MYO15B: variants seen among roughly 807,000 people sequenced by gnomAD.
The protein encoded by MYO15B is myosin XVB.
A neutral mutation model predicts 119.3 loss-of-function variants in MYO15B; 207 were observed. The observed-to-expected ratio is 1.73, with a 90% CI of 1.55 to 1.95. MYO15B has a LOEUF of 1.95. Ranked by LOEUF, MYO15B falls within the 30% of genes most tolerant of loss-of-function variation. The pLI, the probability that MYO15B is intolerant of heterozygous loss-of-function variation, is 0.00. For missense variants in MYO15B, 2,264 were observed against 1,203.1 expected, an observed-to-expected ratio of 1.88 and a Z score of -13.04; for synonymous variants, 966 against 498.9, an observed-to-expected ratio of 1.94 and a Z score of -12.48.
chr17:75,613,996 C>G (rs1258097320), intron 29 of MYO15B: 1 of 598,942 alleles, frequency 1.7e-6, no homozygotes, highest in African/African-American at 1.9e-5. Context: ...AAAAGAAATG[C>G]CCATGCTGGA....
chr17:75,603,087 C>T lies in MYO15B; in HGVS notation c.3891+10C>T, dbSNP rs1187885046. 2.8e-6 allele frequency: 2 copies of T among 703,320 alleles called. No homozygotes were observed. The highest frequency in any genetic ancestry group is 5.2e-6 in the Non-Finnish European group (2 of 385,074). 43.6% of individuals were successfully genotyped at this position (703,320 alleles called of 1,614,324 possible). ...CCCTAACCCTGGAAAGGTGAGCTCC[C>T]CAGCAACTGGCCTCAGGGCCCTCCC... On this transcript the variant is annotated intron_variant, in intron 18 of 63. Coordinates refer to ENST00000645453, the Ensembl canonical transcript of MYO15B.
At position 75,602,986 on chromosome 17, in the gene MYO15B, A is replaced by G. The variant is rs1422856184; in HGVS notation, c.3845+41A>G. 7.1e-6 allele frequency: 5 copies of G among 701,884 alleles called. No individual in the cohort carries two copies. The Admixed American group carries it at 1.0e-4, about 14-fold the overall frequency. The allele number at this position is 701,884 out of a possible 1,614,324, so 43.5% of individuals were successfully genotyped here. A position where few individuals can be genotyped will look rare whatever the true frequency, so the allele number is the denominator to read the frequency against. On this transcript the variant is annotated intron_variant, in intron 17 of 63. Transcript: ENST00000645453. ...GCCACACCAGACCCCAGGGAGTTGT[A>G]TGGGGCTCCAGTCTGTGCCCGAGTG...
intron 12 of MYO15B, among the ~76,000 whole-genome samples, chr17:75,595,486 C>T (rs941005915): frequency 1.1e-4 from 16 of 152,110 alleles, no homozygotes; most frequent in Non-Finnish European, 2.9e-5. Flanking sequence ...AGCTGTGTGG[C>T]CTTGGGCAAG....
rs1055576265 is a variant in MYO15B, at chr17:75,594,532, C to T, written c.3049C>T (p.Arg1017Ter). ...CTGGGCTGAGATCCACACAGCAGCC[C>T]GACTGCTGCGGGTACCACCAGAGTG... Residue 1017 changes from arginine (R) to a stop codon, truncating the protein, a stop_gained, in exon 10 of 64, where the codon CGA becomes TGA. Coordinates refer to ENST00000645453, the Ensembl canonical transcript of MYO15B. LOFTEE classifies it high-confidence loss of function. 5.7e-5 allele frequency: 36 copies of T among 631,694 alleles called. No individual in the cohort carries two copies. In the East Asian group the frequency reaches 7.1e-4, roughly 12 times the overall value. The allele number at this position is 631,694 out of a possible 1,614,324, so 39.1% of individuals were successfully genotyped here. A position where few individuals can be genotyped will look rare whatever the true frequency, so the allele number is the denominator to read the frequency against.
At chr17:75,604,874 C>A (rs1405475907) in intron 19 of MYO15B, among the ~76,000 whole-genome samples, 1 of 152,188 alleles carries the variant, frequency 6.6e-6, no homozygotes, top group Non-Finnish European at 1.5e-5. Flanking sequence ...TGCAGTGGCT[C>A]ACGCCTGTAA....
intron 52 of MYO15B, 30 bp downstream of exon 52, chr17:75,621,600 A>G: frequency 1.4e-6 from 1 of 697,700 alleles, no homozygotes; most frequent in Non-Finnish European, 2.6e-6. Context: ...CTGGGTCCCC[A>G]TGTCTGCAGT....
chr17:75,617,722 G>A (rs1289063685), intron 41 of MYO15B, 88 bp from the exon 42 acceptor site: 3 of 626,342 alleles, frequency 4.8e-6, no homozygotes, highest in South Asian at 1.8e-5. Flanking sequence ...TGGAAGGCTC[G>A]TGGGGATGAA....
chr17:75,589,208 T>TGCGGCTGCGGCGGCG lies in MYO15B; in HGVS notation c.1154_1168dup (p.Arg385_Arg389dup). 1 of 330,718 alleles carries TGCGGCTGCGGCGGCG rather than the reference T, an allele frequency of 3.0e-6. No individual in the cohort carries two copies. Among genetic ancestry groups the TGCGGCTGCGGCGGCG allele is most frequent in the Non-Finnish European group, 5.3e-6 (1 of 190,406 alleles). 20.5% of individuals were successfully genotyped at this position (330,718 alleles called of 1,614,324 possible). On this transcript the variant is annotated inframe_insertion, in exon 1 of 64. Transcript: ENST00000645453. The surrounding 1 kb of genome is among the most constrained non-coding windows in gnomAD (Gnocchi z 4.2). ...CTCCTGCGCTGGCTGCGGCGGCGGC[T>TGCGGCTGCGGCGGCG]GCGGCTGCGGCGGCGGCCGCCAGAG...
At chr17:75,593,935 A>AAAG (rs1199832432) in intron 9 of MYO15B, among the ~76,000 whole-genome samples, 1 of 150,918 alleles carries the variant, frequency 6.6e-6, no homozygotes, top group East Asian at 1.9e-4. Flanking sequence ...AAAAAAAAAA[A>AAAG]AAAGATTAGC....
chr17:75,588,895 G>A, exon 1 of MYO15B: 1 of 398,480 alleles, frequency 2.5e-6, no homozygotes, highest in Non-Finnish European at 4.4e-6. Flanking sequence ...GGACGCGAGC[G>A]ACAACCGGGC....
intron 21 of MYO15B, among the ~76,000 whole-genome samples, chr17:75,609,708 C>A (rs756350265): frequency 1.4e-5 from 2 of 147,258 alleles, no homozygotes; most frequent in Non-Finnish European, 3.0e-5. Context: ...CCCTCCCTCC[C>A]TCCCTCCCTC....
chr17:75,593,211 A>AAG (rs1413149785), intron 9 of MYO15B, among the ~76,000 whole-genome samples: 1 of 150,326 alleles, frequency 6.7e-6, no homozygotes, highest in Non-Finnish European at 1.5e-5. Flanking sequence ...AAAAAAAAAA[A>AAG]AAAAAAAAAG....
intron 29 of MYO15B, 118 bp from the exon 30 acceptor site, chr17:75,614,081 C>A: frequency 1.6e-6 from 1 of 633,854 alleles, no homozygotes; most frequent in Non-Finnish European, 2.9e-6. Context: ...GGGTCCCGGA[C>A]CAGGCGGATC....
exon 37 of MYO15B, chr17:75,616,109 A>G (rs191884022): frequency 4.8e-4 from 272 of 569,654 alleles, no homozygotes; most frequent in Middle Eastern, 2.6e-3. Flanking sequence ...TATCAGCCCA[A>G]GAGCTTCCAG....
At chr17:75,596,617 C>T (rs1022889706) in intron 13 of MYO15B, 62 bp downstream of exon 13, 2 of 696,202 alleles carry the variant, frequency 2.9e-6, no homozygotes, top group African/African-American at 3.5e-5. Context: ...CAGAGGCCAT[C>T]CTTGGTGAAG....
At chr17:75,622,166 C>T in intron 53 of MYO15B, 86 bp downstream of exon 53, 1 of 684,028 alleles carries the variant, frequency 1.5e-6, no homozygotes, top group Non-Finnish European at 2.7e-6. Flanking sequence ...GGTCACTGTC[C>T]TTCAAATCAT....
At chr17:75,607,619 G>A (rs111346516) in intron 21 of MYO15B, among the ~76,000 whole-genome samples, 13,141 of 151,140 alleles carry the variant, frequency 0.087, 824 homozygotes, top group Non-Finnish European at 0.14. Context: ...CACCACGCCC[G>A]GCTAATTTTT....
rs1258682483 is a variant in MYO15B, at chr17:75,613,318, G to A, written c.4993G>A (p.Gly1665Ser). ...GTTCGTGTCTGACCAGGCCCCCAGG[G>A]GCATGGCAGCGCTGTGCCAGCACAA... Residue 1665 changes from glycine (G) to serine (S), a missense_variant, in exon 28 of 64, where the codon GGC (glycine) becomes AGC (serine). Gly to Ser is a moderately conservative substitution (Grantham distance 56, BLOSUM62 0). Coordinates refer to ENST00000645453, the Ensembl canonical transcript of MYO15B. 12 of 673,652 alleles carry A rather than the reference G, an allele frequency of 1.8e-5. No individual in the cohort carries two copies. In the East Asian group the frequency reaches 2.7e-4, roughly 15 times the overall value. 41.7% of individuals were successfully genotyped at this position (673,652 alleles called of 1,614,324 possible). A position where few individuals can be genotyped will look rare whatever the true frequency, so the allele number is the denominator to read the frequency against.
At chr17:75,625,961 T>C (rs2059025264) in exon 62 of MYO15B, 1 of 702,188 alleles carries the variant, frequency 1.4e-6, no homozygotes, top group African/African-American at 1.7e-5. Flanking sequence ...CTCATCCTCA[T>C]GGACCCCAGC....
Sources: allele counts gnomAD v4.1 joint callset (sites outside exome capture counted in the v4.1 genomes callset), GRCh38; gene constraint gnomAD v4.1.1; non-coding constraint Gnocchi (gnomAD v3.1); transcripts MANE v1.5; gene names NCBI Gene and HGNC (gene_info 2026-07-23, HGNC 2026-07-21).